DENND2C: variants seen among roughly 807,000 people sequenced by gnomAD.
DENND2C encodes the protein DENN domain-containing protein 2C.
Under a neutral mutation model 112.4 loss-of-function variants are expected in DENND2C, and 72 were observed. That is an observed-to-expected ratio of 0.64 (90% CI 0.53 to 0.78). DENND2C has a LOEUF of 0.78. Ranked by LOEUF, DENND2C falls within the 30% of genes least tolerant of loss-of-function variation. The probability of loss-of-function intolerance (pLI) is 0.00; values close to 1 mark genes in which losing one functional copy is unlikely to be tolerated. For missense variants in DENND2C, 992 were observed against 1,113.8 expected, an observed-to-expected ratio of 0.89 and a Z score of 1.56; for synonymous variants, 329 against 381.6, an observed-to-expected ratio of 0.86 and a Z score of 1.61.
intron 8 of DENND2C, among the ~76,000 whole-genome samples, chr1:114,611,564 G>C (rs1233048538): frequency 6.6e-6 from 1 of 152,192 alleles, no homozygotes; most frequent in Non-Finnish European, 1.5e-5. Flanking sequence ...AACTAGGAGA[G>C]AGATATTACC....
At chr1:114,639,362 C>T (rs550474951) in intron 3 of DENND2C, among the ~76,000 whole-genome samples, 15 of 152,104 alleles carry the variant, frequency 9.9e-5, no homozygotes, top group African/African-American at 3.6e-4. Context: ...CGGTAGATCA[C>T]GAGGTCAGGA....
intron 2 of DENND2C, among the ~76,000 whole-genome samples, chr1:114,647,173 G>A (rs12744228): frequency 0.97 from 136,637 of 141,322 alleles, 66,076 homozygotes; most frequent in East Asian, 1. Flanking sequence ...AAAAAAAAAA[G>A]AGAGAGAGAG....
In DENND2C at chr1:114,618,145, C is replaced by T. The variant is rs1003205569; in HGVS notation, c.1324+241G>A. ...CTGGGACTACAGGCGCCCGCCACCA[C>T]GCCTGGCTAATTTTTTGTATTTTTA... On this transcript the variant is annotated intron_variant, in intron 8 of 20. Transcript: ENST00000393274. 6.6e-5 allele frequency among the ~76,000 whole-genome samples: 10 copies of T among 152,182 alleles called. No homozygotes were observed. The Middle Eastern group carries it at 0.01, about 155-fold the overall frequency.
chr1:114,635,496 T>TA (rs1656630712), intron 3 of DENND2C, among the ~76,000 whole-genome samples: 1 of 151,998 alleles, frequency 6.6e-6, no homozygotes, highest in Non-Finnish European at 1.5e-5. Flanking sequence ...CCAGCCTGGG[T>TA]GACAGAGCAA....
Position 114,623,721 on chromosome 1 carries a change from TTTGTTTGA to T in DENND2C, c.807-86_807-79del, listed in dbSNP as rs1217036867. ...ATTTTTTAAAATTTTTATTTATTTA[TTTGTTTGA>T]TTGTTTGTTTTATTATTATTTTTTG... On this transcript the variant is annotated intron_variant, in intron 4 of 20. Coordinates refer to ENST00000393274, the MANE Select transcript of DENND2C (RefSeq NM_001256404.2). The T allele has an allele frequency of 1.6e-5, 16 of 1,026,178 alleles. No homozygotes were observed. The East Asian group carries it at 4.4e-4, about 28-fold the overall frequency. 63.6% of individuals were successfully genotyped at this position (1,026,178 alleles called of 1,614,324 possible). A position where few individuals can be genotyped will look rare whatever the true frequency, so the allele number is the denominator to read the frequency against.
intron 20 of DENND2C, among the ~76,000 whole-genome samples, chr1:114,586,428 AGAAAT>A: frequency 6.6e-6 from 1 of 152,334 alleles, no homozygotes; most frequent in South Asian, 2.1e-4. Context: ...AATGTGTCCT[AGAAAT>A]GATTAATAAT....
At chr1:114,606,898 G>A (rs1655671321) in intron 10 of DENND2C, among the ~76,000 whole-genome samples, 1 of 152,148 alleles carries the variant, frequency 6.6e-6, no homozygotes, top group South Asian at 2.1e-4. Flanking sequence ...CCTTCCCATG[G>A]GGGCCACCAT....
chr1:114,602,029 C>T (rs1455609675), intron 12 of DENND2C, 96 bp downstream of exon 12: 2 of 1,177,816 alleles, frequency 1.7e-6, no homozygotes, highest in Non-Finnish European at 1.2e-6. Context: ...CATTGAGCAT[C>T]CCTCAAACTC....
intron 1 of DENND2C, 147 bp downstream of exon 1, chr1:114,669,836 C>A (rs1239408986): frequency 3.3e-5 from 5 of 152,202 alleles, no homozygotes; most frequent in African/African-American, 1.2e-4. Flanking sequence ...GGAGACACCA[C>A]CTCCGCCAGC....
intron 3 of DENND2C, among the ~76,000 whole-genome samples, chr1:114,644,415 T>C (rs1656924080): frequency 6.6e-6 from 1 of 152,110 alleles, no homozygotes; most frequent in African/African-American, 2.4e-5. Flanking sequence ...TCAGTAAGTA[T>C]TTGTTGAATG....
rs781191610 is a variant in DENND2C, at chr1:114,599,321, T to C, written c.2236A>G (p.Ile746Val). Reference sequence around the variant, plus strand: ...AGCTGTGGTAAGGAGCAAGACAGGATTCCAATAAGGAATGGTGTAGGTGAG... The same window carrying C: ...AGCTGTGGTAAGGAGCAAGACAGGACTCCAATAAGGAATGGTGTAGGTGAG... The part of the protein sequence containing the change: ...VCSPTPFLIG[I>V]LSCSLPQLQD... The change falls in exon 16 of 21, where the codon ATC (isoleucine) becomes GTC (valine). Residue 746 changes from isoleucine to valine, a missense_variant. Around this residue, in one of 3 missense-constraint regions of DENND2C, gnomAD observed 516 missense variants for 623.6 expected, o/e 0.83. Transcript: ENST00000393274. The C allele has an allele frequency of 1.2e-6, 2 of 1,613,984 alleles. No homozygotes were observed. Among genetic ancestry groups the C allele is most frequent in the Non-Finnish European group, 1.7e-6 (2 of 1,179,896 alleles).
At chr1:114,597,129 G>A (rs1655362262) in intron 16 of DENND2C, among the ~76,000 whole-genome samples, 1 of 151,860 alleles carries the variant, frequency 6.6e-6, no homozygotes, top group Non-Finnish European at 1.5e-5. Context: ...CAGACAAAGG[G>A]GCCAGTACCC....
chr1:114,644,867 T>C lies in DENND2C; in HGVS notation c.-205+581A>G, dbSNP rs375551079. ...CAATATCTAAGTCAGGGGTCTCCAATGAAGAAAATAATTGATTTATATGTA... is the reference window on the plus strand; with the variant it reads ...CAATATCTAAGTCAGGGGTCTCCAACGAAGAAAATAATTGATTTATATGTA... On this transcript the variant is annotated intron_variant, in intron 3 of 20. Transcript: ENST00000393274. Among the ~76,000 whole-genome samples, 243 of 152,220 alleles carry C rather than the reference T, an allele frequency of 1.6e-3. 2 individuals carry two copies. Among genetic ancestry groups the C allele is most frequent in the African/African-American group, 5.5e-3 (227 of 41,548 alleles).
At chr1:114,611,949 T>A (rs1036607703) in intron 8 of DENND2C, among the ~76,000 whole-genome samples, 1 of 152,234 alleles carries the variant, frequency 6.6e-6, no homozygotes, top group African/African-American at 2.4e-5. Context: ...TGTATCTAAT[T>A]TAAAAATCAG....
chr1:114,637,758 G>C (rs1015527576), intron 3 of DENND2C, among the ~76,000 whole-genome samples: 1 of 152,062 alleles, frequency 6.6e-6, no homozygotes. Context: ...CAAGTGATCC[G>C]CCTGCCTTGG....
chr1:114,602,339 T>C, intron 11 of DENND2C, 145 bp from the exon 12 acceptor site: 1 of 736,924 alleles, frequency 1.4e-6, no homozygotes, highest in Non-Finnish European at 2.1e-6. Context: ...GCATTCTCCA[T>C]GGAAAAAACA....
At position 114,585,531 on chromosome 1, in the gene DENND2C, C is replaced by G. The variant is rs559101289; in HGVS notation, c.*69G>C. 2.6e-6 allele frequency: 4 copies of G among 1,548,134 alleles called. No homozygotes were observed. The South Asian group carries it at 3.4e-5, about 13-fold the overall frequency. ...ATTTTGTAGAATACTTCATGGGATC[C>G]TGACCCTTAGAAAAATATTTTCTTT... On this transcript the variant is annotated 3_prime_UTR_variant, in exon 21 of 21. Transcript: ENST00000393274.
chr1:114,653,655 GT>G (rs1657231227), intron 2 of DENND2C, among the ~76,000 whole-genome samples: 1 of 151,856 alleles, frequency 6.6e-6, no homozygotes, highest in African/African-American at 2.4e-5. Flanking sequence ...GTTTTTTGTT[GT>G]TTTTAAATGT....
Position 114,623,590 on chromosome 1 carries a change from G to A in DENND2C, c.860C>T (p.Thr287Met), listed in dbSNP as rs199921408. 5.9e-5 allele frequency: 95 copies of A among 1,607,914 alleles called. No individual in the cohort carries two copies. The highest frequency in any genetic ancestry group is 7.6e-5 in the Non-Finnish European group (90 of 1,177,076). Residue 287 changes from threonine (T) to methionine (M), a missense_variant, in exon 5 of 21, where the codon ACG (threonine) becomes ATG (methionine). Physicochemically the swap from Thr to Met is moderately conservative, Grantham distance 81. This residue lies in a region of DENND2C where 470 missense variants were observed against 472.7 expected (regional missense o/e 0.99). Transcript: ENST00000393274. Reference protein sequence around the residue: ...IQHFRNRNSQTIREELGRNSG... With the variant: ...IQHFRNRNSQMIREELGRNSG... ...ATTTCTTCCAAGTTCTTCACGAATC[G>A]TCTGTGAGTTCCGATTTCGAAAGTG...
Sources: allele counts gnomAD v4.1 joint callset (sites outside exome capture counted in the v4.1 genomes callset), GRCh38; gene constraint gnomAD v4.1.1; regional missense constraint gnomAD v4.1.1; transcripts MANE v1.5; gene names NCBI Gene and HGNC (gene_info 2026-07-23, HGNC 2026-07-21).